FER: variants seen among roughly 807,000 people sequenced by gnomAD.
FER encodes the protein FER tyrosine kinase.
A neutral mutation model predicts 111.0 loss-of-function variants in FER; 63 were observed. That is an observed-to-expected ratio of 0.57 (90% CI 0.46 to 0.70). The LOEUF is 0.70. Ranked by LOEUF, FER falls within the 30% of genes least tolerant of loss-of-function variation. The pLI, the probability that FER is intolerant of heterozygous loss-of-function variation, is 0.00. For synonymous variants in FER, 327 were observed against 313.9 expected, an observed-to-expected ratio of 1.04 and a Z score of -0.44; for missense variants, 914 against 954.0, an observed-to-expected ratio of 0.96 and a Z score of 0.55.
At chr5:109,035,113 A>C (rs1770190848) in intron 13 of FER, among the ~76,000 whole-genome samples, 1 of 148,916 alleles carries the variant, frequency 6.7e-6, no homozygotes, top group African/African-American at 2.5e-5. Context: ...GGCTCACTGC[A>C]ACCTCTGCTT....
intron 13 of FER, among the ~76,000 whole-genome samples, chr5:109,032,417 C>A (rs1441195466): frequency 6.6e-6 from 1 of 152,102 alleles, no homozygotes; most frequent in Non-Finnish European, 1.5e-5. Flanking sequence ...ATTGGTTGCC[C>A]CCAGTTTCCT....
intron 13 of FER, among the ~76,000 whole-genome samples, chr5:109,012,846 A>G (rs1766476283): frequency 6.6e-6 from 1 of 152,184 alleles, no homozygotes; most frequent in Admixed American, 6.5e-5. Flanking sequence ...TGACAATATG[A>G]TGAATAATGA....
At chr5:108,999,415 G>C (rs1764421244) in intron 13 of FER, among the ~76,000 whole-genome samples, 1 of 151,948 alleles carries the variant, frequency 6.6e-6, no homozygotes, top group Admixed American at 6.6e-5. Flanking sequence ...AAAATTTATG[G>C]ATGTAACACA....
intron 18 of FER, among the ~76,000 whole-genome samples, chr5:109,183,369 C>G (rs931713078): frequency 2.0e-5 from 3 of 151,470 alleles, no homozygotes; most frequent in African/African-American, 7.3e-5. Flanking sequence ...CTGTCTCAGC[C>G]TCCCCAGTAG....
At chr5:109,031,896 G>A (rs1363017739) in intron 13 of FER, among the ~76,000 whole-genome samples, 1 of 152,154 alleles carries the variant, frequency 6.6e-6, no homozygotes, top group Non-Finnish European at 1.5e-5. Context: ...TGAACAGAGT[G>A]TAATCTAAGT....
rs1329807911 is a variant in FER, at chr5:108,867,924, G to T, written c.639G>T (p.Lys213Asn). The T allele has an allele frequency of 6.2e-7, 1 of 1,607,044 alleles. No individual in the cohort carries two copies. The highest frequency in any genetic ancestry group is 8.5e-7 in the Non-Finnish European group (1 of 1,177,918). Residue 213 changes from lysine (K) to asparagine (N), a missense_variant, in exon 6 of 20, where the codon AAG (lysine) becomes AAT (asparagine). Around this residue, in one of 3 missense-constraint regions of FER, gnomAD observed 774 missense variants for 782.6 expected, o/e 0.99. Coordinates refer to ENST00000281092, the MANE Select transcript of FER (RefSeq NM_005246.4). Reference protein sequence around the residue: ...TLPLLLDSLQKMQEEMIKALK... With the variant: ...TLPLLLDSLQNMQEEMIKALK... ...CCCTGCTTCTGGACTCCTTACAAAA[G>T]ATGCAAGAAGAAATGATAAAAGCAC...
chr5:109,082,283 A>G (rs1777074976), intron 16 of FER, among the ~76,000 whole-genome samples: 1 of 151,960 alleles, frequency 6.6e-6, no homozygotes, highest in African/African-American at 2.4e-5. Flanking sequence ...GAGTGGCTGC[A>G]CCACCCTGCA....
intron 13 of FER, among the ~76,000 whole-genome samples, chr5:109,007,528 T>C (rs1393506941): frequency 6.6e-6 from 1 of 152,190 alleles, no homozygotes; most frequent in Non-Finnish European, 1.5e-5. Context: ...TCGTACAGTA[T>C]GTGCTCTTTT....
intron 17 of FER, among the ~76,000 whole-genome samples, chr5:109,155,019 C>T (rs959744008): frequency 6.6e-6 from 1 of 151,794 alleles, no homozygotes; most frequent in African/African-American, 2.4e-5. Context: ...TCTATCATCT[C>T]GATATGTACC....
At chr5:108,822,228 C>A (rs1379084103) in intron 3 of FER, among the ~76,000 whole-genome samples, 2 of 152,122 alleles carry the variant, frequency 1.3e-5, no homozygotes, top group Non-Finnish European at 2.9e-5. Flanking sequence ...TGTATACACA[C>A]ACACACACAT....
At chr5:108,860,062 C>T (rs1763367566) in intron 5 of FER, among the ~76,000 whole-genome samples, 1 of 151,716 alleles carries the variant, frequency 6.6e-6, no homozygotes, top group African/African-American at 2.4e-5. Flanking sequence ...CTGCCTCAGC[C>T]TCCCAAGTAG....
At chr5:109,067,605 G>T (rs1373632543) in intron 16 of FER, among the ~76,000 whole-genome samples, 1 of 151,394 alleles carries the variant, frequency 6.6e-6, no homozygotes, top group South Asian at 2.1e-4. Context: ...TATTCTTTTA[G>T]CTTGGTAGTA....
At chr5:108,833,044 C>A in intron 4 of FER, 101 bp downstream of exon 4, 1 of 1,030,054 alleles carries the variant, frequency 9.7e-7, no homozygotes, top group Non-Finnish European at 1.4e-6. Flanking sequence ...TCATCATTTC[C>A]CAACAAGAAA....
intron 13 of FER, among the ~76,000 whole-genome samples, chr5:108,968,239 T>C (rs931885979): frequency 6.6e-6 from 1 of 152,044 alleles, no homozygotes; most frequent in African/African-American, 2.4e-5. Context: ...ATACAAAAAT[T>C]AGCTGGGCCT....
At chr5:109,054,000 A>G (rs1773287603) in intron 16 of FER, among the ~76,000 whole-genome samples, 2 of 152,040 alleles carry the variant, frequency 1.3e-5, no homozygotes, top group Non-Finnish European at 2.9e-5. Context: ...CTGGAGTTCT[A>G]TTTAATGAAT....
chr5:109,186,191 CT>C lies in FER; in HGVS notation c.2204-8del. On this transcript the variant is annotated splice_region_variant and splice_polypyrimidine_tract_variant and intron_variant, in intron 18 of 19. Transcript: ENST00000281092. ...CCTCATGTGGTTATGGTTGTTGTTC[CT>C]CTTCCAGGGAGATACAGTTCAGAGA... The C allele has an allele frequency of 6.2e-7, 1 of 1,614,020 alleles. No individual in the cohort carries two copies. The highest frequency in any genetic ancestry group is 8.5e-7 in the Non-Finnish European group (1 of 1,179,926).
intron 13 of FER, among the ~76,000 whole-genome samples, chr5:108,984,948 A>G (rs1468633086): frequency 6.6e-6 from 1 of 152,124 alleles, no homozygotes; most frequent in African/African-American, 2.4e-5. Context: ...AGACATTTAG[A>G]GGTTAGAAAA....
chr5:108,866,134 C>T (rs1050003312), intron 5 of FER, among the ~76,000 whole-genome samples: 6 of 152,178 alleles, frequency 3.9e-5, no homozygotes, highest in African/African-American at 9.7e-5. Flanking sequence ...GACACATGCA[C>T]ATGTATGTTT....
At chr5:109,076,508 C>A (rs1776362824) in intron 16 of FER, among the ~76,000 whole-genome samples, 1 of 152,154 alleles carries the variant, frequency 6.6e-6, no homozygotes, top group African/African-American at 2.4e-5. Context: ...TGGCACACTG[C>A]AACCTCTCCC....
Sources: allele counts gnomAD v4.1 joint callset (sites outside exome capture counted in the v4.1 genomes callset), GRCh38; gene constraint gnomAD v4.1.1; regional missense constraint gnomAD v4.1.1; transcripts MANE v1.5; gene names NCBI Gene and HGNC (gene_info 2026-07-23, HGNC 2026-07-21).